Variants in MRPL28 observed in about 807,000 individuals in gnomAD.
The protein encoded by MRPL28 is mitochondrial ribosomal protein L28.
In MRPL28, 25 loss-of-function variants were observed where a neutral mutation model predicts 26.2. The ratio of observed to expected loss-of-function variants is 0.95; its 90% CI spans 0.69 to 1.33. The LOEUF (loss-of-function observed/expected upper bound fraction) is 1.33. MRPL28 is among the 40% of genes most tolerant of loss of function. The pLI is 0.00. For synonymous variants in MRPL28, 227 were observed against 140.1 expected, an observed-to-expected ratio of 1.62 and a Z score of -4.38; for missense variants, 432 against 327.2, an observed-to-expected ratio of 1.32 and a Z score of -2.47.
At position 368,557 on chromosome 16, in the gene MRPL28, G is replaced by T; in HGVS notation, c.520C>A (p.Pro174Thr). 6.3e-7 allele frequency: 1 copy of T among 1,597,618 alleles called. No individual in the cohort carries two copies. Among genetic ancestry groups the T allele is most frequent in the Non-Finnish European group, 8.5e-7 (1 of 1,170,076 alleles). ...TCGGGGTCCTCGGGGTGCAGCTGGG[G>T]GTCCTGCCGGGCAAGCCGCAGCAGC... is the stretch of plus-strand genomic sequence containing the variant. ...GMLLRLARQD[P>T]QLHPEDPERR... The change falls in exon 4 of 6, where the codon CCC becomes ACC. Residue 174 changes from proline to threonine, a missense_variant. Pro to Thr is a conservative substitution (Grantham distance 38). Coordinates refer to ENST00000199706, the MANE Select transcript of MRPL28 (RefSeq NM_006428.5).
At chr16:369,466 G>C (rs1008467246) in intron 2 of MRPL28, 4 of 631,232 alleles carry the variant, frequency 6.3e-6, no homozygotes, top group Non-Finnish European at 1.1e-5. Flanking sequence ...CTGGTCACAT[G>C]GTTGCTGCAT....
At chr16:370,279 C>A (rs1341576221) in intron 1 of MRPL28, 54 bp from the exon 2 acceptor site, 2 of 1,464,526 alleles carry the variant, frequency 1.4e-6, no homozygotes, top group African/African-American at 2.8e-5. Context: ...GCCCCCGGCA[C>A]TCACCCCCTA....
At chr16:369,516 G>A in intron 2 of MRPL28, 1 of 621,738 alleles carries the variant, frequency 1.6e-6, no homozygotes, top group East Asian at 2.7e-5. Flanking sequence ...TTTACAGGTT[G>A]TCACATTCCA....
Position 368,524 on chromosome 16 carries a change from C to CCCG in MRPL28, c.550_552dup (p.Arg184dup), listed in dbSNP as rs1403193603. The CCCG allele has an allele frequency of 6.3e-6, 10 of 1,594,990 alleles. No homozygotes were observed. The highest frequency in any genetic ancestry group is 8.6e-6 in the Non-Finnish European group (10 of 1,168,004). On this transcript the variant is annotated inframe_insertion, in exon 4 of 6. Coordinates refer to ENST00000199706, the MANE Select transcript of MRPL28 (RefSeq NM_006428.5). ...ACCTTGTACTTGTCGTAGATGGCTG[C>CCCG]CCGCCGCTCGGGGTCCTCGGGGTGC... is the stretch of plus-strand genomic sequence containing the variant.
Position 370,080 on chromosome 16 carries a change from C to A in MRPL28, c.139G>T (p.Gly47Trp), listed in dbSNP as rs1567320090. The change falls in exon 2 of 6, where the codon GGG becomes TGG. Residue 47 changes from glycine (G) to tryptophan (W), a missense_variant. Gly to Trp is a radical substitution (Grantham distance 184). Transcript: ENST00000199706. ...TTGGGGTTGATCTTGAACTTGGCCC[C>A]ATGAGGCCTATAGTGCACGGGAGTG... is the stretch of plus-strand genomic sequence containing the variant. The part of the protein sequence containing the change: ...TPTPVHYRPH[G>W]AKFKINPKNG... 6.2e-7 allele frequency: 1 copy of A among 1,612,362 alleles called. No homozygotes were observed. The highest frequency in any genetic ancestry group is 1.1e-5 in the South Asian group (1 of 90,990).
Position 370,242 on chromosome 16 carries a change from G to A in MRPL28, c.-7-17C>T, listed in dbSNP as rs778042366. The A allele has an allele frequency of 3.2e-6, 5 of 1,546,048 alleles. No individual in the cohort carries two copies. The highest frequency in any genetic ancestry group is 2.3e-4 in the Middle Eastern group (1 of 4,294). On this transcript the variant is annotated splice_polypyrimidine_tract_variant and intron_variant, in intron 1 of 5. Coordinates refer to ENST00000199706, the MANE Select transcript of MRPL28 (RefSeq NM_006428.5). Reference sequence around the variant, plus strand: ...ATCGCGAGCCTGGCGGGAGGTGGGGGCTCGCAGTCAGTCGCAGCCTGGCCA... The same window carrying A: ...ATCGCGAGCCTGGCGGGAGGTGGGGACTCGCAGTCAGTCGCAGCCTGGCCA...
intron 1 of MRPL28, 73 bp from the exon 2 acceptor site, chr16:370,298 C>A: frequency 7.1e-7 from 1 of 1,418,394 alleles, no homozygotes; most frequent in East Asian, 2.5e-5. Context: ...TACCCCGGCC[C>A]CCGACTCTCA....
Position 367,759 on chromosome 16 carries a change from G to T in MRPL28, c.687C>A (p.Ile229=). The change falls in exon 6 of 6, where the codon ATC becomes ATA. Residue 229 remains isoleucine (I), a synonymous_variant. Coordinates refer to ENST00000199706, the MANE Select transcript of MRPL28 (RefSeq NM_006428.5). ...GCTGCTGGATCAGCTCCGCCACATA[G>T]ATCTTGAACAGGGGTACAGGGTCCT... ...EEKDPVPLFK[I]YVAELIQQLQ... 1 of 1,613,846 alleles carries T rather than the reference G, an allele frequency of 6.2e-7. No individual in the cohort carries two copies.
In MRPL28 at chr16:370,101, G is replaced by A. The variant is rs75038007; in HGVS notation, c.118C>T (p.Pro40Ser). Residue 40 changes from proline to serine, a missense_variant, in exon 2 of 6, where the codon CCC becomes TCC. Transcript: ENST00000199706. ...GCCCCATGAGGCCTATAGTGCACGG[G>A]AGTGGGCGTCCGCTCCTCCTCCAGG... ...RSLEEERTPT[P>S]VHYRPHGAKF... 314 of 1,610,900 alleles carry A rather than the reference G, an allele frequency of 1.9e-4. No individual in the cohort carries two copies. The African/African-American group carries it at 3.8e-3, about 20-fold the overall frequency.
At position 367,690 on chromosome 16, in the gene MRPL28, T is replaced by C; in HGVS notation, c.756A>G (p.Arg252=). The C allele has an allele frequency of 6.2e-7, 1 of 1,613,696 alleles. No homozygotes were observed. Among genetic ancestry groups the C allele is most frequent in the Non-Finnish European group, 8.5e-7 (1 of 1,179,966 alleles). The stretch of plus-strand genomic sequence containing the variant: ...AGCTGTGTGGTCACTGGCCACTGGC[T>C]CTCTTCTGCACCACCGCCGGCTCTG... ...ALSEPAVVQK[R]ASGQ Residue 252 remains arginine, a synonymous_variant, in exon 6 of 6, where the codon AGA becomes AGG. Transcript: ENST00000199706.
In MRPL28 at chr16:370,022, G is replaced by A. The variant is rs772027734; in HGVS notation, c.197C>T (p.Pro66Leu). Residue 66 changes from proline (P) to leucine (L), a missense_variant, in exon 2 of 6, where the codon CCC becomes CTC. Coordinates refer to ENST00000199706, the MANE Select transcript of MRPL28 (RefSeq NM_006428.5). ...NGQRERVEDV[P>L]IPIYFPPESQ... ...TTCGGGGGGAAAGTAGATGGGAATG[G>A]GCACGTCCTCCACACGCTCCCGCTG... The A allele has an allele frequency of 1.2e-6, 2 of 1,613,314 alleles. No homozygotes were observed. The highest frequency in any genetic ancestry group is 8.5e-7 in the Non-Finnish European group (1 of 1,179,886).
At chr16:368,807 A>T in intron 3 of MRPL28, 172 bp from the exon 4 acceptor site, 1 of 1,140,146 alleles carries the variant, frequency 8.8e-7, no homozygotes, top group Non-Finnish European at 1.2e-6. Flanking sequence ...CACAGAAGCA[A>T]GTCCAAGTGC....
chr16:367,599 G>A lies in MRPL28; in HGVS notation c.*76C>T, dbSNP rs1003442993. ...CCACCGGTGGCCCTCACAGCTCCCC[G>A]GGATCTGTGTCCTCAGTGCAAAGGG... On this transcript the variant is annotated 3_prime_UTR_variant, in exon 6 of 6. Transcript: ENST00000199706. 20 of 1,355,736 alleles carry A rather than the reference G, an allele frequency of 1.5e-5. No homozygotes were observed. The highest frequency in any genetic ancestry group is 4.7e-5 in the East Asian group (2 of 42,694). 84.0% of individuals were successfully genotyped at this position (1,355,736 alleles called of 1,614,324 possible). A position where few individuals can be genotyped will look rare whatever the true frequency, so the allele number is the denominator to read the frequency against.
intron 2 of MRPL28, chr16:369,513 G>T (rs1029080207): frequency 6.4e-6 from 4 of 627,458 alleles, no homozygotes; most frequent in Non-Finnish European, 1.2e-5. Flanking sequence ...CAGTTTACAG[G>T]TTGTCACATT....
At chr16:368,761 G>GTGCTGAGGCGGCCCCAC in intron 3 of MRPL28, 126 bp from the exon 4 acceptor site, 1 of 1,405,610 alleles carries the variant, frequency 7.1e-7, no homozygotes, top group Non-Finnish European at 9.5e-7. Flanking sequence ...CCCGGGTGGG[G>GTGCTGAGGCGGCCCCAC]CCGCCTCAGC....
In MRPL28 at chr16:368,534, G is replaced by A. The variant is rs202019678; in HGVS notation, c.543C>T (p.Pro181=). ...TGTCGTAGATGGCTGCCCGCCGCTC[G>A]GGGTCCTCGGGGTGCAGCTGGGGGT... ...RQDPQLHPED[P]ERRAAIYDKY... is the part of the protein sequence containing the mutation. The change falls in exon 4 of 6, where the codon CCC becomes CCT. Residue 181 remains proline, a synonymous_variant. Transcript: ENST00000199706. 27 of 1,594,608 alleles carry A rather than the reference G, an allele frequency of 1.7e-5. No homozygotes were observed. Among genetic ancestry groups the A allele is most frequent in the East Asian group, 1.3e-4 (6 of 44,572 alleles).
rs770406789 is a variant in MRPL28, at chr16:370,057, G to C, written c.162C>G (p.Pro54=). 10 of 1,612,872 alleles carry C rather than the reference G, an allele frequency of 6.2e-6. No individual in the cohort carries two copies. The highest frequency in any genetic ancestry group is 1.7e-5 in the Admixed American group (1 of 59,940). The change falls in exon 2 of 6, where the codon CCC becomes CCG. Residue 54 remains proline (P), a synonymous_variant. Coordinates refer to ENST00000199706, the MANE Select transcript of MRPL28 (RefSeq NM_006428.5). ...RPHGAKFKIN[P]KNGQRERVED... ...CCACACGCTCCCGCTGCCCGTTCTTGGGGTTGATCTTGAACTTGGCCCCAT... is the reference window on the plus strand; with the variant it reads ...CCACACGCTCCCGCTGCCCGTTCTTCGGGTTGATCTTGAACTTGGCCCCAT...
In MRPL28 at chr16:367,734, G is replaced by A; in HGVS notation, c.712C>T (p.Leu238=). 6.2e-6 allele frequency: 10 copies of A among 1,613,882 alleles called. No homozygotes were observed. Among genetic ancestry groups the A allele is most frequent in the East Asian group, 2.2e-5 (1 of 44,880 alleles). The change falls in exon 6 of 6, where the codon CTG becomes TTG. Residue 238 remains leucine (L), a synonymous_variant. Coordinates refer to ENST00000199706, the MANE Select transcript of MRPL28 (RefSeq NM_006428.5). ...KIYVAELIQQ[L]QQQALSEPAV... ...GGCTCTGACAGTGCCTGCTGCTGCA[G>A]CTGCTGGATCAGCTCCGCCACATAG... is the stretch of plus-strand genomic sequence containing the variant.
intron 3 of MRPL28, 189 bp downstream of exon 3, chr16:368,879 C>T (rs550759734): frequency 1.0e-6 from 1 of 993,106 alleles, no homozygotes; most frequent in African/African-American, 1.6e-5. Flanking sequence ...CACAGAGCGA[C>T]AGCCTCTCCT....
Sources: gnomAD v4.1 joint callset for allele counts on GRCh38, gnomAD v4.1.1 for gene constraint, MANE v1.5 for transcripts, NCBI Gene and HGNC (gene_info 2026-07-23, HGNC 2026-07-21) for gene names.